Variants in PSMD11 observed in about 807,000 individuals in gnomAD.
PSMD11 encodes proteasome 26S subunit, non-ATPase 11, also known as 26S proteasome non-ATPase regulatory subunit 11.
Under a neutral mutation model 62.3 loss-of-function variants are expected in PSMD11, and 5 were observed. The ratio of observed to expected loss-of-function variants is 0.08; its 90% CI spans 0.04 to 0.17. The LOEUF (loss-of-function observed/expected upper bound fraction) is 0.17. Among genes scored for constraint, PSMD11 ranks in the 10% least tolerant of loss-of-function variants. PSMD11 has a pLI of 1.00. For missense variants in PSMD11, 310 were observed against 512.9 expected (o/e 0.60, Z 3.82); for synonymous variants, 191 against 191.8 (o/e 1.00, Z 0.03).
At chr17:32,475,715 C>G (rs1250398008) in intron 8 of PSMD11, among the ~76,000 whole-genome samples, 2 of 151,636 alleles carry the variant, frequency 1.3e-5, no homozygotes, top group South Asian at 2.1e-4. Context: ...TCTCCTGTCT[C>G]AGCCTCCCGA....
chr17:32,448,450 C>T (rs1269804981), intron 2 of PSMD11, among the ~76,000 whole-genome samples: 1 of 151,936 alleles, frequency 6.6e-6, no homozygotes, highest in East Asian at 1.9e-4. Flanking sequence ...TCACTGCAAC[C>T]TCTGCCTCCC....
chr17:32,459,099 CAAAAAAAAAAAAAT>C (rs1907735765), intron 3 of PSMD11, among the ~76,000 whole-genome samples: 1 of 61,226 alleles, frequency 1.6e-5, no homozygotes. Flanking sequence ...GAGAGTGTCT[CAAAAAAAAAAAAAT>C]ACATATATAT....
At chr17:32,478,925 A>G (rs1214998633) in intron 9 of PSMD11, among the ~76,000 whole-genome samples, 2 of 151,924 alleles carry the variant, frequency 1.3e-5, no homozygotes, top group East Asian at 3.9e-4. Flanking sequence ...CTTAGAGACT[A>G]CCATAAAATA....
chr17:32,477,115 G>C (rs1478193880), intron 8 of PSMD11: 1 of 159,750 alleles, frequency 6.3e-6, no homozygotes, highest in Non-Finnish European at 1.4e-5. Flanking sequence ...CTAGCAGAAT[G>C]AATCTTGATA....
Position 32,468,938 on chromosome 17 carries a change from G to C in PSMD11, c.449-61G>C. On this transcript the variant is annotated intron_variant, in intron 5 of 13. Transcript: ENST00000261712. ...TCCTGAGTGTTATGAGGGTGGGAGA[G>C]TGAGCTATTATTAGGTATTAAGCTG... The C allele has an allele frequency of 2.1e-6, 3 of 1,445,000 alleles. No individual in the cohort carries two copies. The South Asian group carries it at 4.1e-5, about 20-fold the overall frequency. The allele number at this position is 1,445,000 out of a possible 1,614,324, so 89.5% of individuals were successfully genotyped here.
chr17:32,472,505 T>G (rs1253526924), intron 6 of PSMD11, among the ~76,000 whole-genome samples: 1 of 151,586 alleles, frequency 6.6e-6, no homozygotes, highest in Non-Finnish European at 1.5e-5. Context: ...ATTATAGACG[T>G]TAGAGTTTAC....
At chr17:32,477,342 G>C (rs1908357589) in intron 8 of PSMD11, 179 bp from the exon 9 acceptor site, 1 of 444,456 alleles carries the variant, frequency 2.2e-6, no homozygotes, top group Non-Finnish European at 4.0e-6. Flanking sequence ...AAACAGGTTG[G>C]CATATAGTGG....
intron 8 of PSMD11, among the ~76,000 whole-genome samples, chr17:32,475,603 T>C (rs925508881): frequency 1.0e-4 from 14 of 139,974 alleles, no homozygotes; most frequent in African/African-American, 3.4e-4. Flanking sequence ...CCTAATTGGC[T>C]TTTTTTTTTT....
intron 6 of PSMD11, among the ~76,000 whole-genome samples, chr17:32,471,070 A>G (rs1908149963): frequency 1.3e-5 from 2 of 152,186 alleles, no homozygotes; most frequent in Admixed American, 1.3e-4. Context: ...TTCTACATGT[A>G]TCTCGATGTG....
chr17:32,459,128 A>ATATATATATATATATATATATG (rs1907742058), intron 3 of PSMD11, among the ~76,000 whole-genome samples: 8 of 142,916 alleles, frequency 5.6e-5, no homozygotes, highest in African/African-American at 1.6e-4. Context: ...ATATATATAT[A>ATATATATATATATATATATATG]TATATATATA....
At chr17:32,467,871 C>T (rs35177842) in intron 5 of PSMD11, among the ~76,000 whole-genome samples, 3 of 152,048 alleles carry the variant, frequency 2.0e-5, no homozygotes, top group Non-Finnish European at 2.9e-5. Flanking sequence ...GGTAAACTTG[C>T]GTCATGCAGT....
intron 2 of PSMD11, among the ~76,000 whole-genome samples, chr17:32,452,208 A>C (rs1907526424): frequency 6.6e-6 from 1 of 152,206 alleles, no homozygotes; most frequent in Non-Finnish European, 1.5e-5. Flanking sequence ...AGCCAAAAAA[A>C]TTTACTATCT....
rs188191813 is a variant in PSMD11, at chr17:32,459,045, A to G, written c.318+4426A>G. On this transcript the variant is annotated intron_variant, in intron 3 of 13. Transcript: ENST00000261712. ...AGGAGGTAGAGGTTCCAGTGAGCCA[A>G]GATCGTGCCACTGCACTCCAGCCCG... is the stretch of plus-strand genomic sequence containing the variant. 6.7e-5 allele frequency among the ~76,000 whole-genome samples: 10 copies of G among 150,070 alleles called. No homozygotes were observed. The East Asian group carries it at 1.9e-3, about 29-fold the overall frequency.
At chr17:32,446,701 G>C (rs1183845275) in intron 1 of PSMD11, among the ~76,000 whole-genome samples, 1 of 151,848 alleles carries the variant, frequency 6.6e-6, no homozygotes, top group African/African-American at 2.4e-5. Flanking sequence ...CTGCTGGGTA[G>C]AATGAAAAGG....
At chr17:32,463,601 C>T (rs1243447309) in intron 3 of PSMD11, 1 of 160,022 alleles carries the variant, frequency 6.2e-6, no homozygotes, top group East Asian at 1.7e-4. Context: ...CCTTTTGAGT[C>T]TTAAAAGCAA....
In PSMD11 at chr17:32,444,627, G is replaced by T. The variant is rs749735918; in HGVS notation, c.91+13G>T. 1 of 1,610,098 alleles carries T rather than the reference G, an allele frequency of 6.2e-7. No homozygotes were observed. Among genetic ancestry groups the T allele is most frequent in the South Asian group, 1.1e-5 (1 of 90,926 alleles). On this transcript the variant is annotated intron_variant, in intron 1 of 13. Coordinates refer to ENST00000261712, the MANE Select transcript of PSMD11 (RefSeq NM_002815.4). ...CTCCACTCCATCGGTAAAGGTCGCC[G>T]CGCCGCCTCCCCGGCCCCGCCGGCC...
At chr17:32,447,145 C>T in intron 2 of PSMD11, 99 bp downstream of exon 2, 1 of 917,472 alleles carries the variant, frequency 1.1e-6, no homozygotes, top group Non-Finnish European at 1.6e-6. Flanking sequence ...CTGAATTCAG[C>T]TTTATTTTCT....
chr17:32,479,911 A>G, intron 11 of PSMD11, 25 bp downstream of exon 11: 1 of 1,609,554 alleles, frequency 6.2e-7, no homozygotes, highest in Non-Finnish European at 8.5e-7. Flanking sequence ...GGCCATCTGC[A>G]GGGAGGAATG....
intron 3 of PSMD11, among the ~76,000 whole-genome samples, chr17:32,459,618 G>A (rs954885835): frequency 6.6e-6 from 1 of 152,062 alleles, no homozygotes; most frequent in African/African-American, 2.4e-5. Flanking sequence ...ATTCGTTTAG[G>A]TAACTCAAGG....
Sources: gnomAD v4.1 joint callset for allele counts (sites outside exome capture counted in the v4.1 genomes callset) on GRCh38, gnomAD v4.1.1 for gene constraint, MANE v1.5 for transcripts, NCBI Gene and HGNC (gene_info 2026-07-23, HGNC 2026-07-21) for gene names.